Variants in TMCC1 observed in about 807,000 individuals in gnomAD.
The protein encoded by TMCC1 is transmembrane and coiled-coil domain family 1.
TMCC1 carries 15 observed loss-of-function variants against 52.4 expected under a neutral mutation model. The ratio of observed to expected loss-of-function variants is 0.29; its 90% CI spans 0.19 to 0.44. The LOEUF is 0.44. Among genes scored for constraint, TMCC1 ranks in the 20% least tolerant of loss-of-function variants. The pLI is 1.00. For missense variants in TMCC1, 503 were observed against 806.0 expected (o/e 0.62, Z 4.55); for synonymous variants, 279 against 301.9 (o/e 0.92, Z 0.79).
intron 4 of TMCC1, among the ~76,000 whole-genome samples, chr3:129,734,027 T>C (rs1374248195): frequency 1.3e-5 from 2 of 152,192 alleles, no homozygotes; most frequent in Admixed American, 1.3e-4. Context: ...ATGAATATAC[T>C]GTATAACCCA....
chr3:129,758,359 G>A (rs2053199685), intron 4 of TMCC1, among the ~76,000 whole-genome samples: 1 of 152,154 alleles, frequency 6.6e-6, no homozygotes, highest in South Asian at 2.1e-4. Flanking sequence ...AATTGTACAG[G>A]TGGATACATA....
At chr3:129,770,960 G>A (rs1000506769) in intron 4 of TMCC1, among the ~76,000 whole-genome samples, 5 of 152,162 alleles carry the variant, frequency 3.3e-5, no homozygotes, top group East Asian at 3.8e-4. Context: ...GAAATATCTC[G>A]AGAGACTGGT....
intron 4 of TMCC1, among the ~76,000 whole-genome samples, chr3:129,789,532 G>A (rs368625059): frequency 8.5e-5 from 13 of 152,200 alleles, no homozygotes; most frequent in African/African-American, 2.9e-4. Context: ...CCAGGCTAGA[G>A]TGCAGTGGCG....
intron 4 of TMCC1, among the ~76,000 whole-genome samples, chr3:129,694,209 TAA>T (rs1309421933): frequency 6.6e-6 from 1 of 152,244 alleles, no homozygotes; most frequent in East Asian, 1.9e-4. Context: ...TAGTAAATAA[TAA>T]AGAGTGTTTA....
At chr3:129,672,778 C>A (rs1379032185) in intron 4 of TMCC1, among the ~76,000 whole-genome samples, 1 of 152,150 alleles carries the variant, frequency 6.6e-6, no homozygotes, top group South Asian at 2.1e-4. Context: ...GAACTATATA[C>A]AAGATCACCT....
chr3:129,745,262 C>T (rs1214083071), intron 4 of TMCC1, among the ~76,000 whole-genome samples: 1 of 152,358 alleles, frequency 6.6e-6, no homozygotes, highest in East Asian at 1.9e-4. Context: ...ATTCACTCTT[C>T]TCTTGGGCTT....
chr3:129,720,852 G>A (rs2049520661), intron 4 of TMCC1, among the ~76,000 whole-genome samples: 1 of 151,928 alleles, frequency 6.6e-6, no homozygotes, highest in South Asian at 2.1e-4. Context: ...ACACCACCAT[G>A]CCTGGCTAAT....
At chr3:129,783,742 T>A (rs1332601420) in intron 4 of TMCC1, among the ~76,000 whole-genome samples, 3 of 152,216 alleles carry the variant, frequency 2.0e-5, no homozygotes, top group African/African-American at 7.2e-5. Flanking sequence ...CATTGTAAAA[T>A]TCAGGAACTG....
chr3:129,711,917 G>A (rs953323393), intron 4 of TMCC1, among the ~76,000 whole-genome samples: 2 of 135,220 alleles, frequency 1.5e-5, no homozygotes, highest in Non-Finnish European at 3.1e-5. Context: ...CAGGAGAATC[G>A]CTTGAATCCA....
intron 3 of TMCC1, among the ~76,000 whole-genome samples, chr3:129,830,256 G>A (rs1020627200): frequency 3.3e-5 from 5 of 152,140 alleles, no homozygotes; most frequent in Admixed American, 2.0e-4. Context: ...TTAGATCAAT[G>A]ACTGTCTTGG....
intron 4 of TMCC1, among the ~76,000 whole-genome samples, chr3:129,703,927 C>T (rs1432234753): frequency 6.6e-6 from 1 of 152,082 alleles, no homozygotes; most frequent in Non-Finnish European, 1.5e-5. Flanking sequence ...TAGTTTTAAC[C>T]TGAGAGGTCA....
intron 5 of TMCC1, among the ~76,000 whole-genome samples, chr3:129,661,228 C>A (rs2087002219): frequency 6.6e-6 from 1 of 152,128 alleles, no homozygotes; most frequent in Non-Finnish European, 1.5e-5. Context: ...AACATGGAGA[C>A]CAATCTGGGC....
At chr3:129,762,991 G>A (rs998261120) in intron 4 of TMCC1, among the ~76,000 whole-genome samples, 8 of 151,636 alleles carry the variant, frequency 5.3e-5, no homozygotes, top group Admixed American at 2.6e-4. Context: ...GAGGTCAGGA[G>A]ATCGAGACCA....
intron 2 of TMCC1, among the ~76,000 whole-genome samples, chr3:129,878,633 A>T (rs1030574859): frequency 6.6e-6 from 1 of 152,180 alleles, no homozygotes; most frequent in Non-Finnish European, 1.5e-5. Context: ...GCAGCCAAAG[A>T]AATGAAAATG....
intron 2 of TMCC1, among the ~76,000 whole-genome samples, chr3:129,877,777 T>A (rs1456432832): frequency 6.6e-6 from 1 of 151,526 alleles, no homozygotes; most frequent in African/African-American, 2.4e-5. Flanking sequence ...TACAGGAATG[T>A]GCCACCACGC....
chr3:129,824,697 A>T (rs2058580721), intron 4 of TMCC1, among the ~76,000 whole-genome samples: 1 of 152,166 alleles, frequency 6.6e-6, no homozygotes, highest in Admixed American at 6.5e-5. Flanking sequence ...GCCAAAATAC[A>T]TCTTCATTTC....
At chr3:129,668,647 C>T (rs762524643) in intron 5 of TMCC1, among the ~76,000 whole-genome samples, 47 of 152,174 alleles carry the variant, frequency 3.1e-4, no homozygotes, top group Non-Finnish European at 5.6e-4. Flanking sequence ...TCATTTGACA[C>T]GGAGTTTTGC....
chr3:129,812,984 A>T (rs565631262), intron 4 of TMCC1, among the ~76,000 whole-genome samples: 2 of 152,376 alleles, frequency 1.3e-5, no homozygotes, highest in African/African-American at 2.4e-5. Flanking sequence ...GACAACCCTC[A>T]TTAAAAAGTG....
intron 2 of TMCC1, among the ~76,000 whole-genome samples, chr3:129,878,002 A>G (rs2061301542): frequency 6.7e-6 from 1 of 149,988 alleles, no homozygotes; most frequent in African/African-American, 2.5e-5. Context: ...CTTTTAGCCC[A>G]GGCTGGAGTA....
Sources: gnomAD v4.1 joint callset for allele counts (sites outside exome capture counted in the v4.1 genomes callset) on GRCh38, gnomAD v4.1.1 for gene constraint, MANE v1.5 for transcripts, NCBI Gene and HGNC (gene_info 2026-07-23, HGNC 2026-07-21) for gene names.